Variants in SPTBN1 observed in about 807,000 individuals in gnomAD.
SPTBN1 encodes spectrin beta chain, non-erythrocytic 1.
In SPTBN1, 32 loss-of-function variants were observed where a neutral mutation model predicts 266.4. The observed-to-expected ratio is 0.12, with a 90% CI of 0.09 to 0.16. The LOEUF (loss-of-function observed/expected upper bound fraction) is 0.16, where lower values mean the gene tolerates loss of function less well. Ranked by LOEUF, SPTBN1 falls within the 10% of genes least tolerant of loss-of-function variation. The pLI is 1.00. For missense variants in SPTBN1, 2,296 were observed against 3,067.1 expected (o/e 0.75, Z 5.94); for synonymous variants, 1,336 against 1,162.2 (o/e 1.15, Z -3.04).
chr2:54,566,231 C>G (rs1673651768), intron 2 of SPTBN1, among the ~76,000 whole-genome samples: 1 of 146,984 alleles, frequency 6.8e-6, no homozygotes, highest in Admixed American at 6.8e-5. Flanking sequence ...CTGTGTCGCC[C>G]AGGCTGGAGT....
At chr2:54,622,639 GA>G in intron 9 of SPTBN1, 152 bp downstream of exon 9, 1 of 879,326 alleles carries the variant, frequency 1.1e-6, no homozygotes, top group South Asian at 1.9e-5. Flanking sequence ...CTGTTTTGCT[GA>G]GATTTATGAT....
rs908656243 is a variant in SPTBN1, at chr2:54,661,039, G to T, written c.6420+1040G>T. The T allele has an allele frequency of 1.2e-5, 12 of 985,198 alleles. No homozygotes were observed. In the African/African-American group the frequency reaches 1.7e-4, roughly 14 times the overall value. 61.0% of individuals were successfully genotyped at this position (985,198 alleles called of 1,614,324 possible). On this transcript the variant is annotated intron_variant, in intron 32 of 35. Coordinates refer to ENST00000356805, the MANE Select transcript of SPTBN1 (RefSeq NM_003128.3). ...CACTTGGTGGACCGTGCCTGGGAGC[G>T]CTCGCATGCCCCCTGGCTTCAGAAG...
intron 15 of SPTBN1, among the ~76,000 whole-genome samples, chr2:54,630,501 A>G (rs1225036450): frequency 6.6e-6 from 1 of 152,232 alleles, no homozygotes; most frequent in African/African-American, 2.4e-5. Flanking sequence ...GAAGGTTACC[A>G]TCAGTCTTAG....
intron 1 of SPTBN1, among the ~76,000 whole-genome samples, chr2:54,456,953 G>C (rs918745963): frequency 2.0e-5 from 3 of 151,476 alleles, no homozygotes; most frequent in Admixed American, 6.6e-5. Flanking sequence ...ACAGCCGGAG[G>C]GTCTATTTTC....
intron 2 of SPTBN1, among the ~76,000 whole-genome samples, chr2:54,567,880 T>C (rs1025610565): frequency 3.9e-5 from 6 of 152,152 alleles, no homozygotes; most frequent in African/African-American, 1.4e-4. Context: ...AGTGTTTTAT[T>C]TGCTGGAGTG....
intron 2 of SPTBN1, among the ~76,000 whole-genome samples, chr2:54,577,252 C>T (rs181962336): frequency 7.2e-4 from 110 of 152,280 alleles, no homozygotes; most frequent in African/African-American, 2.5e-3. Flanking sequence ...TGTAGATTGT[C>T]TGATACAGAT....
intron 7 of SPTBN1, among the ~76,000 whole-genome samples, chr2:54,619,072 G>A (rs1210096300): frequency 1.3e-5 from 2 of 152,198 alleles, no homozygotes. Flanking sequence ...CCTCTCAGCT[G>A]TGAACAAATA....
At chr2:54,500,614 T>TG (rs1026362211) in intron 1 of SPTBN1, among the ~76,000 whole-genome samples, 1 of 152,152 alleles carries the variant, frequency 6.6e-6, no homozygotes, top group African/African-American at 2.4e-5. Flanking sequence ...GGCGCAATCA[T>TG]GGCTCACTGT....
intron 19 of SPTBN1, 103 bp downstream of exon 19, chr2:54,643,232 A>T: frequency 2.7e-6 from 4 of 1,492,694 alleles, no homozygotes; most frequent in Non-Finnish European, 3.6e-6. Flanking sequence ...TCTTATCTGT[A>T]CATTTACGTA....
intron 1 of SPTBN1, among the ~76,000 whole-genome samples, chr2:54,502,991 AAGG>A (rs1669352994): frequency 6.6e-6 from 1 of 152,214 alleles, no homozygotes; most frequent in African/African-American, 2.4e-5. Context: ...GTCATGAGGA[AAGG>A]AGAACTACCT....
chr2:54,642,317 C>T (rs557173809), intron 18 of SPTBN1, among the ~76,000 whole-genome samples: 1 of 152,238 alleles, frequency 6.6e-6, no homozygotes, highest in South Asian at 2.1e-4. Flanking sequence ...CATGTTGGGT[C>T]TCAAAATCAA....
chr2:54,469,028 G>C (rs1693782347), intron 1 of SPTBN1, among the ~76,000 whole-genome samples: 2 of 152,140 alleles, frequency 1.3e-5, no homozygotes, highest in South Asian at 4.1e-4. Context: ...TGTATTAGCT[G>C]GATTCTTTAC....
chr2:54,580,408 C>G (rs968766623), intron 2 of SPTBN1, among the ~76,000 whole-genome samples: 1 of 152,008 alleles, frequency 6.6e-6, no homozygotes, highest in African/African-American at 2.4e-5. Flanking sequence ...TCTTGTATAC[C>G]CATACCAGCT....
chr2:54,580,589 C>T (rs1674825981), intron 2 of SPTBN1, among the ~76,000 whole-genome samples: 1 of 145,294 alleles, frequency 6.9e-6, no homozygotes. Context: ...TTCATATTCT[C>T]ACACTTTAAC....
chr2:54,560,624 A>G (rs768862956), intron 2 of SPTBN1, among the ~76,000 whole-genome samples: 4 of 152,208 alleles, frequency 2.6e-5, no homozygotes, highest in Admixed American at 6.5e-5. Context: ...TCCCTTCGAA[A>G]GGGGTAAGCT....
chr2:54,667,730 T>C (rs1328146290), intron 35 of SPTBN1, 84 bp downstream of exon 35: 5 of 1,256,600 alleles, frequency 4.0e-6, no homozygotes, highest in Non-Finnish European at 5.8e-6. Context: ...AGAAAGTTCT[T>C]CATGTAAATG....
chr2:54,626,327 G>A lies in SPTBN1; in HGVS notation c.1644+93G>A. The A allele has an allele frequency of 2.1e-6, 3 of 1,435,188 alleles. No homozygotes were observed. Among genetic ancestry groups the A allele is most frequent in the Non-Finnish European group, 2.8e-6 (3 of 1,072,898 alleles). The allele number at this position is 1,435,188 out of a possible 1,614,324, so 88.9% of individuals were successfully genotyped here. A position where few individuals can be genotyped will look rare whatever the true frequency, so the allele number is the denominator to read the frequency against. On this transcript the variant is annotated intron_variant, in intron 12 of 35. Coordinates refer to ENST00000356805, the MANE Select transcript of SPTBN1 (RefSeq NM_003128.3). This position sits in a 1 kb window ranked among gnomAD's most constrained non-coding sequence, Gnocchi z 4.7. ...TCACTAAACCCCTACGTACAGCTGT[G>A]TGCCTTGTCTAACTGCCCACATGTA...
chr2:54,561,174 T>A (rs1358508098), intron 2 of SPTBN1, among the ~76,000 whole-genome samples: 2 of 152,230 alleles, frequency 1.3e-5, no homozygotes. Flanking sequence ...AGACAGAGTC[T>A]CACGCTGTTG....
At chr2:54,591,609 C>A (rs1309081406) in intron 2 of SPTBN1, among the ~76,000 whole-genome samples, 2 of 152,172 alleles carry the variant, frequency 1.3e-5, no homozygotes, top group African/African-American at 4.8e-5. Flanking sequence ...GTTCCTGATT[C>A]TATGTTTCCT....
Sources: gnomAD v4.1 joint callset for allele counts (sites outside exome capture counted in the v4.1 genomes callset) on GRCh38, gnomAD v4.1.1 for gene constraint, Gnocchi (gnomAD v3.1) non-coding constraint, MANE v1.5 for transcripts, NCBI Gene and HGNC (gene_info 2026-07-23, HGNC 2026-07-21) for gene names.